The following PCDH9 variants were observed in gnomAD, a reference collection of about 807,000 sequenced individuals.
PCDH9 encodes protocadherin 9, also known as protocadherin-9.
A neutral mutation model predicts 70.6 loss-of-function variants in PCDH9; 24 were observed. The ratio of observed to expected loss-of-function variants is 0.34; its 90% confidence interval spans 0.25 to 0.48. The LOEUF is 0.48. PCDH9 is among the 20% of genes least tolerant of loss of function. The pLI is 0.99. For missense variants in PCDH9, 1,281 were observed against 1,503.6 expected, an observed-to-expected ratio of 0.85 and a Z score of 2.45; for synonymous variants, 562 against 558.5, an observed-to-expected ratio of 1.01 and a Z score of -0.09.
chr13:66,731,668 A>T (rs927869513), intron 3 of PCDH9, among the ~76,000 whole-genome samples: 1 of 152,150 alleles, frequency 6.6e-6, no homozygotes, highest in African/African-American at 2.4e-5. Flanking sequence ...AACATATCTC[A>T]TAAGTGAATC....
chr13:66,304,785 C>A lies in PCDH9; in HGVS notation c.3584G>T (p.Arg1195Leu). The A allele has an allele frequency of 6.2e-7, 1 of 1,613,514 alleles. No individual in the cohort carries two copies. The highest frequency in any genetic ancestry group is 8.5e-7 in the Non-Finnish European group (1 of 1,179,700). Residue 1195 changes from arginine (R) to leucine (L), a missense_variant, in exon 5 of 5, where the codon CGT becomes CTT. Transcript: ENST00000377865. ...GCCTTCATTGGAGCCATACTGCTTA[C>A]GGTCATTGAACTGGTTCCTGTTGCT... Reference protein sequence around the residue: ...EDSNRNQFNDRKQYGSNEGHF... With the variant: ...EDSNRNQFNDLKQYGSNEGHF...
chr13:67,095,246 G>A (rs150319091), intron 2 of PCDH9, among the ~76,000 whole-genome samples: 24 of 151,994 alleles, frequency 1.6e-4, no homozygotes, highest in Middle Eastern at 3.4e-3. Flanking sequence ...GTATTTCAGC[G>A]TTTCCTAACA....
At chr13:66,660,365 GTCT>G in intron 3 of PCDH9, among the ~76,000 whole-genome samples, 1 of 28,946 alleles carries the variant, frequency 3.5e-5, no homozygotes, top group African/African-American at 1.9e-4. Flanking sequence ...TCACTGCACT[GTCT>G]GAGTAATGAG....
At chr13:67,101,872 G>A (rs912102812) in intron 2 of PCDH9, among the ~76,000 whole-genome samples, 1 of 152,096 alleles carries the variant, frequency 6.6e-6, no homozygotes, top group Non-Finnish European at 1.5e-5. Context: ...GAATACTAAG[G>A]CTGTTATGGA....
chr13:66,918,084 G>C (rs1448409507), intron 2 of PCDH9, among the ~76,000 whole-genome samples: 4 of 151,278 alleles, frequency 2.6e-5, no homozygotes, highest in African/African-American at 7.3e-5. Context: ...GAGGGTCTCA[G>C]TTGGTGATTG....
At chr13:66,998,986 T>C (rs1416744225) in intron 2 of PCDH9, among the ~76,000 whole-genome samples, 1 of 152,210 alleles carries the variant, frequency 6.6e-6, no homozygotes, top group Non-Finnish European at 1.5e-5. Context: ...AGATAAACCA[T>C]AAATTCCTTT....
At chr13:66,410,559 A>C (rs927800517) in intron 4 of PCDH9, among the ~76,000 whole-genome samples, 1 of 152,336 alleles carries the variant, frequency 6.6e-6, no homozygotes, top group East Asian at 1.9e-4. Flanking sequence ...AGAAAGTGGA[A>C]GACCAGACAT....
intron 4 of PCDH9, among the ~76,000 whole-genome samples, chr13:66,439,439 C>T (rs957919755): frequency 2.0e-5 from 3 of 152,042 alleles, no homozygotes; most frequent in African/African-American, 7.2e-5. Flanking sequence ...TTCAGATGTT[C>T]TCTCCACAGA....
intron 4 of PCDH9, among the ~76,000 whole-genome samples, chr13:66,425,551 C>T (rs1412697178): frequency 6.8e-6 from 1 of 147,326 alleles, no homozygotes; most frequent in African/African-American, 2.5e-5. Context: ...ATCCTACTTT[C>T]AGAAAACGAA....
chr13:67,171,595 T>A (rs1396563496), intron 2 of PCDH9, among the ~76,000 whole-genome samples: 1 of 152,198 alleles, frequency 6.6e-6, no homozygotes, highest in East Asian at 1.9e-4. Context: ...TCTGGTTATG[T>A]TATACCTTTA....
At chr13:66,596,465 C>A (rs937769770) in intron 4 of PCDH9, among the ~76,000 whole-genome samples, 1 of 151,590 alleles carries the variant, frequency 6.6e-6, no homozygotes, top group Non-Finnish European at 1.5e-5. Context: ...AATGCATGTA[C>A]ATATATACAC....
At position 66,462,853 on chromosome 13, in the gene PCDH9, T is replaced by C. The variant is rs1958449908; in HGVS notation, c.3341-157825A>G. On this transcript the variant is annotated intron_variant, in intron 4 of 4. Transcript: ENST00000377865. ...AGAAAGTCACTCCTATTTTCTACTA[T>C]GTAAGAGGAGTTCAGTTAAATAAAT... Among the ~76,000 whole-genome samples, 6 of 151,890 alleles carry C rather than the reference T, an allele frequency of 4.0e-5. No homozygotes were observed. In the South Asian group the frequency reaches 1.0e-3, roughly 26 times the overall value.
chr13:66,856,633 C>T (rs921849932), intron 3 of PCDH9, among the ~76,000 whole-genome samples: 1 of 152,024 alleles, frequency 6.6e-6, no homozygotes, highest in Non-Finnish European at 1.5e-5. Flanking sequence ...TTTATCCACC[C>T]TGTCCCTTTG....
chr13:66,313,078 C>T (rs1390101187), intron 4 of PCDH9, among the ~76,000 whole-genome samples: 1 of 152,310 alleles, frequency 6.6e-6, no homozygotes, highest in South Asian at 2.1e-4. Context: ...TTTTTCTCAT[C>T]TGCTAAAGCT....
intron 3 of PCDH9, among the ~76,000 whole-genome samples, chr13:66,685,495 G>A (rs1392782545): frequency 6.6e-6 from 1 of 152,188 alleles, no homozygotes; most frequent in Admixed American, 6.5e-5. Flanking sequence ...TTCTGCTAGG[G>A]CAGAGCAGAA....
At chr13:66,811,311 G>A (rs879922968) in intron 3 of PCDH9, among the ~76,000 whole-genome samples, 9 of 152,064 alleles carry the variant, frequency 5.9e-5, no homozygotes, top group Non-Finnish European at 7.4e-5. Context: ...GCCCAAAACC[G>A]CTGGATTAAC....
intron 3 of PCDH9, among the ~76,000 whole-genome samples, chr13:66,664,223 T>C (rs756631205): frequency 6.6e-6 from 1 of 152,226 alleles, no homozygotes; most frequent in Non-Finnish European, 1.5e-5. Flanking sequence ...ACTTACACAA[T>C]TATGCTATTT....
intron 4 of PCDH9, among the ~76,000 whole-genome samples, chr13:66,331,526 G>A (rs958255376): frequency 6.6e-6 from 1 of 152,144 alleles, no homozygotes; most frequent in Admixed American, 6.6e-5. Flanking sequence ...CTTCTCTGAG[G>A]ATTTGGTGAA....
intron 3 of PCDH9, among the ~76,000 whole-genome samples, chr13:66,878,080 C>T (rs1465391581): frequency 1.3e-5 from 2 of 151,528 alleles, no homozygotes; most frequent in Admixed American, 1.3e-4. Context: ...GTGAAAGATA[C>T]AAAAATAATG....
Sources: gnomAD v4.1 joint callset for allele counts (sites outside exome capture counted in the v4.1 genomes callset) on GRCh38, gnomAD v4.1.1 for gene constraint, MANE v1.5 for transcripts, NCBI Gene and HGNC (gene_info 2026-07-23, HGNC 2026-07-21) for gene names.